The following ZNF536 variants were observed in gnomAD, a reference collection of about 807,000 sequenced individuals.
ZNF536 encodes the protein zinc finger protein 536.
Under a neutral mutation model 84.5 loss-of-function variants are expected in ZNF536, and 13 were observed. The observed-to-expected ratio is 0.15, with a 90% CI of 0.10 to 0.24. The LOEUF is 0.24. ZNF536 is among the 10% of genes least tolerant of loss of function. ZNF536 has a pLI of 1.00. For synonymous variants in ZNF536, 811 were observed against 742.5 expected (o/e 1.09, Z -1.50); for missense variants, 1,536 against 1,747.5 (o/e 0.88, Z 2.16).
intron 1 of ZNF536, among the ~76,000 whole-genome samples, chr19:30,697,170 C>A (rs1056187914): frequency 6.6e-6 from 1 of 152,152 alleles, no homozygotes; most frequent in Non-Finnish European, 1.5e-5. Context: ...TTAAAACCAT[C>A]AGCACTCATG....
chr19:30,261,684 G>C (rs2025228667), intron 1 of ZNF536, among the ~76,000 whole-genome samples: 1 of 134,774 alleles, frequency 7.4e-6, no homozygotes, highest in South Asian at 2.5e-4. Flanking sequence ...GGGCAACGGA[G>C]TGGGACCTTG....
chr19:30,539,340 T>G (rs2045232388), intron 3 of ZNF536, among the ~76,000 whole-genome samples: 1 of 152,140 alleles, frequency 6.6e-6, no homozygotes, highest in South Asian at 2.1e-4. Flanking sequence ...TTGCTCAGCC[T>G]TTTGTTCTAT....
At chr19:30,617,361 T>TTTTTTTTTTTTTTTTTTTTTTTG (rs2048337083) in intron 1 of ZNF536, among the ~76,000 whole-genome samples, 1 of 108,156 alleles carries the variant, frequency 9.2e-6, no homozygotes, top group East Asian at 2.8e-4. Flanking sequence ...TTTTTTTTTT[T>TTTTTTTTTTTTTTTTTTTTTTTG]TTTTTATGAG....
At chr19:30,271,625 C>G (rs531196543) in intron 1 of ZNF536, among the ~76,000 whole-genome samples, 1 of 152,280 alleles carries the variant, frequency 6.6e-6, no homozygotes, top group Admixed American at 6.5e-5. Context: ...CTGCTAGTTT[C>G]TAGCTGGGGA....
At chr19:30,383,549 C>A (rs1004738236) in intron 1 of ZNF536, among the ~76,000 whole-genome samples, 1 of 151,814 alleles carries the variant, frequency 6.6e-6, no homozygotes, top group Non-Finnish European at 1.5e-5. Flanking sequence ...GGCCCAGGGC[C>A]TGCTACTCAC....
intron 3 of ZNF536, among the ~76,000 whole-genome samples, chr19:30,544,978 G>C (rs140739444): frequency 3.9e-5 from 6 of 152,316 alleles, no homozygotes; most frequent in African/African-American, 1.4e-4. Context: ...GGTCTAGACT[G>C]TCTTCCCTGC....
intron 1 of ZNF536, among the ~76,000 whole-genome samples, chr19:30,695,363 C>T (rs1180026599): frequency 2.0e-5 from 3 of 152,210 alleles, no homozygotes; most frequent in African/African-American, 7.2e-5. Flanking sequence ...CTACTGTGTG[C>T]AGAGCCCGCC....
At chr19:30,393,556 T>A (rs749065032) in intron 1 of ZNF536, among the ~76,000 whole-genome samples, 5 of 151,896 alleles carry the variant, frequency 3.3e-5, no homozygotes, top group Admixed American at 6.6e-5. Context: ...TAAGGAGAGG[T>A]GTCTGGAGCT....
At chr19:30,274,569 A>G (rs1483988884) in intron 1 of ZNF536, among the ~76,000 whole-genome samples, 2 of 152,232 alleles carry the variant, frequency 1.3e-5, no homozygotes, top group Non-Finnish European at 2.9e-5. Flanking sequence ...CAGCTTGGAC[A>G]GTGCAGTTCT....
intron 2 of ZNF536, among the ~76,000 whole-genome samples, chr19:30,516,670 A>G (rs2044088703): frequency 6.6e-6 from 1 of 152,140 alleles, no homozygotes; most frequent in Admixed American, 6.5e-5. Flanking sequence ...CCCACGGGGT[A>G]CTCTTGGTAA....
chr19:30,704,634 T>G, intron 1 of ZNF536, among the ~76,000 whole-genome samples: 1 of 114,548 alleles, frequency 8.7e-6, no homozygotes, highest in African/African-American at 3.5e-5. Context: ...GCAACAAGAG[T>G]GAGAGTCCAT....
intron 1 of ZNF536, among the ~76,000 whole-genome samples, chr19:30,413,243 T>TC (rs1237907787): frequency 6.6e-6 from 1 of 152,150 alleles, no homozygotes; most frequent in East Asian, 1.9e-4. Flanking sequence ...TTTTTATGAA[T>TC]CCCTTCTTAC....
At chr19:30,366,778 G>A (rs1468171179) in intron 3 of ZNF536, among the ~76,000 whole-genome samples, 1 of 152,198 alleles carries the variant, frequency 6.6e-6, no homozygotes, top group Non-Finnish European at 1.5e-5. Context: ...CATTCCAGTT[G>A]GAGGAGTCAG....
intron 1 of ZNF536, among the ~76,000 whole-genome samples, chr19:30,638,600 C>T (rs1194518118): frequency 6.6e-6 from 1 of 152,194 alleles, no homozygotes; most frequent in East Asian, 1.9e-4. Flanking sequence ...GAGAAATCTT[C>T]CCCCATGATC....
intron 1 of ZNF536, among the ~76,000 whole-genome samples, chr19:30,442,184 T>A (rs2052082831): frequency 6.6e-6 from 1 of 152,192 alleles, no homozygotes; most frequent in African/African-American, 2.4e-5. Flanking sequence ...AATAGAAGGA[T>A]CCCAGGCAGG....
intron 1 of ZNF536, among the ~76,000 whole-genome samples, chr19:30,661,942 AT>A (rs1272826754): frequency 6.6e-6 from 1 of 152,186 alleles, no homozygotes; most frequent in African/African-American, 2.4e-5. Flanking sequence ...GTGGGAGATC[AT>A]TCTTTGTTCT....
At chr19:30,430,680 C>T (rs2051416939) in intron 1 of ZNF536, among the ~76,000 whole-genome samples, 1 of 152,186 alleles carries the variant, frequency 6.6e-6, no homozygotes, top group African/African-American at 2.4e-5. Flanking sequence ...TTGCCCCTCT[C>T]TGCTCCCTGA....
intron 1 of ZNF536, among the ~76,000 whole-genome samples, chr19:30,257,225 C>A (rs1187557321): frequency 2.0e-5 from 3 of 152,182 alleles, no homozygotes; most frequent in Non-Finnish European, 4.4e-5. Context: ...TTGGTCTTGG[C>A]AGATTATTTG....
chr19:30,265,998 C>T (rs1421072296), intron 1 of ZNF536, among the ~76,000 whole-genome samples: 1 of 152,084 alleles, frequency 6.6e-6, no homozygotes, highest in Non-Finnish European at 1.5e-5. Flanking sequence ...TCATGAGATC[C>T]TCCTGCTTCA....
Sources: allele counts gnomAD v4.1 joint callset (sites outside exome capture counted in the v4.1 genomes callset), GRCh38; gene constraint gnomAD v4.1.1; transcripts MANE v1.5; gene names NCBI Gene and HGNC (gene_info 2026-07-23, HGNC 2026-07-21).